DGKI: variants seen among roughly 807,000 people sequenced by gnomAD.
DGKI encodes diacylglycerol kinase iota.
In DGKI, 55 loss-of-function variants were observed where a neutral mutation model predicts 147.5. The observed-to-expected ratio is 0.37, with a 90% CI of 0.30 to 0.47. The LOEUF is 0.47. Ranked by LOEUF, DGKI falls within the 20% of genes least tolerant of loss-of-function variation. The probability of loss-of-function intolerance (pLI) is 1.00; values close to 1 mark genes in which losing one functional copy is unlikely to be tolerated. For missense variants in DGKI, 1,007 were observed against 1,323.8 expected (o/e 0.76, Z 3.71); for synonymous variants, 469 against 477.1 (o/e 0.98, Z 0.22).
At chr7:137,599,383 A>G (rs754868610) in intron 11 of DGKI, among the ~76,000 whole-genome samples, 3 of 152,030 alleles carry the variant, frequency 2.0e-5, no homozygotes, top group Non-Finnish European at 2.9e-5. Flanking sequence ...TCTCTCACAC[A>G]CAAGCGCGCG....
At chr7:137,772,216 T>C (rs900140647) in intron 1 of DGKI, 1 of 135,344 alleles carries the variant, frequency 7.4e-6, no homozygotes, top group African/African-American at 3.0e-5. Flanking sequence ...ATCATAAAGG[T>C]AGAATTTTAA....
chr7:137,540,741 C>A, intron 20 of DGKI, among the ~76,000 whole-genome samples: 2 of 25,286 alleles, frequency 7.9e-5, no homozygotes, highest in Admixed American at 5.4e-4. Flanking sequence ...CAATTGGAAA[C>A]AAACATTTTA....
chr7:137,629,623 T>G (rs1821060494), intron 6 of DGKI, among the ~76,000 whole-genome samples: 1 of 152,220 alleles, frequency 6.6e-6, no homozygotes, highest in Non-Finnish European at 1.5e-5. Context: ...AAAAGTGGCA[T>G]TTGTTTTAAC....
Position 137,771,288 on chromosome 7 carries a change from G to C in DGKI, c.401+75174C>G, listed in dbSNP as rs376784418. Among the ~76,000 whole-genome samples the C allele has an allele frequency of 1.1e-3, 169 of 151,998 alleles. 3 individuals carry two copies. Among genetic ancestry groups the C allele is most frequent in the African/African-American group, 4.0e-3 (167 of 41,472 alleles). On this transcript the variant is annotated intron_variant, in intron 1 of 32. Transcript: ENST00000614521. ...GTATTTTTAGTAGAGATGGGGTTTC[G>C]CCATGTTGGCCAGGCTGGTCTCAAA...
At chr7:137,660,223 G>T (rs565345432) in intron 3 of DGKI, among the ~76,000 whole-genome samples, 2 of 152,198 alleles carry the variant, frequency 1.3e-5, no homozygotes, top group Admixed American at 6.5e-5. Context: ...GGTACGGGGT[G>T]GGCAGAGGGG....
In DGKI at chr7:137,678,536, C is replaced by T. The variant is rs773004676; in HGVS notation, c.606+21G>A. 4.3e-6 allele frequency: 7 copies of T among 1,612,646 alleles called. No individual in the cohort carries two copies. The South Asian group carries it at 5.5e-5, about 13-fold the overall frequency. ...TTCAGATCCACAGGCCTTCCCCCAG[C>T]AAGACGGAGCGCACACTCACTGCAA... On this transcript the variant is annotated intron_variant, in intron 3 of 32. Transcript: ENST00000614521.
At chr7:137,681,741 A>G (rs1823242630) in intron 2 of DGKI, among the ~76,000 whole-genome samples, 1 of 152,254 alleles carries the variant, frequency 6.6e-6, no homozygotes, top group African/African-American at 2.4e-5. Context: ...CAGTGGGTAA[A>G]ATGTCAAAAC....
intron 26 of DGKI, among the ~76,000 whole-genome samples, chr7:137,464,659 A>ATGTTGG (rs1295693556): frequency 2.6e-5 from 4 of 152,334 alleles, no homozygotes; most frequent in African/African-American, 9.6e-5. Flanking sequence ...GACTTGGTAC[A>ATGTTGG]TATTGGACAT....
chr7:137,784,567 A>T (rs1796610876), intron 1 of DGKI, among the ~76,000 whole-genome samples: 1 of 152,156 alleles, frequency 6.6e-6, no homozygotes, highest in African/African-American at 2.4e-5. Flanking sequence ...ACAGGTCATC[A>T]AGATCGAAAA....
rs556336904 is a variant in DGKI at position 137,640,361 on chromosome 7, C to T, written c.804+5111G>A. On this transcript the variant is annotated intron_variant, in intron 6 of 32. Transcript: ENST00000614521. ...TGATACTCAGCCAAGGAGAGAAGGGCCAGGCTTCCAGCAGTCATGTGGGCA... is the reference window on the plus strand; with the variant it reads ...TGATACTCAGCCAAGGAGAGAAGGGTCAGGCTTCCAGCAGTCATGTGGGCA... 6.6e-5 allele frequency among the ~76,000 whole-genome samples: 10 copies of T among 152,170 alleles called. No homozygotes were observed. In the East Asian group the frequency reaches 1.4e-3, roughly 21 times the overall value.
At chr7:137,518,133 A>G (rs1046768816) in intron 21 of DGKI, among the ~76,000 whole-genome samples, 1 of 152,088 alleles carries the variant, frequency 6.6e-6, no homozygotes, top group Non-Finnish European at 1.5e-5. Flanking sequence ...CCTCTCTAAC[A>G]ACAACCACCA....
intron 1 of DGKI, among the ~76,000 whole-genome samples, chr7:137,719,342 A>T (rs1206437255): frequency 2.0e-5 from 3 of 151,862 alleles, no homozygotes; most frequent in Non-Finnish European, 4.4e-5. Flanking sequence ...AAACCAGATG[A>T]TTTTCTCGGT....
At chr7:137,668,324 T>C (rs1016415853) in intron 3 of DGKI, among the ~76,000 whole-genome samples, 41 of 152,356 alleles carry the variant, frequency 2.7e-4, no homozygotes, top group Non-Finnish European at 3.7e-4. Flanking sequence ...GGCATGGCAC[T>C]GGCTAAACAG....
At chr7:137,776,795 T>C (rs941063147) in intron 1 of DGKI, among the ~76,000 whole-genome samples, 2 of 151,944 alleles carry the variant, frequency 1.3e-5, no homozygotes, top group East Asian at 3.9e-4. Context: ...GGCAGGTGTA[T>C]GTGGGAGAGG....
At chr7:137,641,860 T>C (rs2129006850) in intron 6 of DGKI, among the ~76,000 whole-genome samples, 1 of 152,392 alleles carries the variant, frequency 6.6e-6, no homozygotes, top group Middle Eastern at 3.4e-3. Flanking sequence ...CAAACATATT[T>C]TCACAATTAC....
chr7:137,788,916 C>T (rs575580801), intron 1 of DGKI, among the ~76,000 whole-genome samples: 11 of 152,288 alleles, frequency 7.2e-5, no homozygotes, highest in African/African-American at 2.6e-4. Flanking sequence ...TCAACAGAAT[C>T]CCTTTTTTCT....
chr7:137,435,174 G>T (rs909191793), intron 28 of DGKI, among the ~76,000 whole-genome samples: 8 of 152,182 alleles, frequency 5.3e-5, no homozygotes. Flanking sequence ...TCAGTTCTGT[G>T]CCAGGGCACA....
chr7:137,569,670 A>G (rs1818719800), intron 19 of DGKI, among the ~76,000 whole-genome samples: 2 of 133,200 alleles, frequency 1.5e-5, no homozygotes, highest in Non-Finnish European at 3.1e-5. Context: ...TAGAGCTTGC[A>G]GTGAGCCGAA....
intron 1 of DGKI, among the ~76,000 whole-genome samples, chr7:137,815,081 T>C (rs917165508): frequency 2.0e-5 from 3 of 152,050 alleles, no homozygotes; most frequent in Non-Finnish European, 2.9e-5. Flanking sequence ...AAAAACTAAA[T>C]AATATTGACC....
Sources: gnomAD v4.1 joint callset for allele counts (sites outside exome capture counted in the v4.1 genomes callset) on GRCh38, gnomAD v4.1.1 for gene constraint, MANE v1.5 for transcripts, NCBI Gene and HGNC (gene_info 2026-07-23, HGNC 2026-07-21) for gene names.